Variants in PDE4D observed in about 807,000 individuals in gnomAD.
PDE4D encodes the protein phosphodiesterase 4D, also known as 3',5'-cyclic-AMP phosphodiesterase 4D.
PDE4D carries 24 observed loss-of-function variants against 87.4 expected under a neutral mutation model. The ratio of observed to expected loss-of-function variants is 0.27; its 90% CI spans 0.20 to 0.39. PDE4D has a LOEUF of 0.39. PDE4D is among the 10% of genes least tolerant of loss of function. The probability of loss-of-function intolerance (pLI) is 1.00; values close to 1 mark genes in which losing one functional copy is unlikely to be tolerated. For synonymous variants in PDE4D, 384 were observed against 383.2 expected, an observed-to-expected ratio of 1.00 and a Z score of -0.02; for missense variants, 714 against 1,041.0, an observed-to-expected ratio of 0.69 and a Z score of 4.32.
chr5:59,924,241 C>A (rs562621679), intron 3 of PDE4D, among the ~76,000 whole-genome samples: 3 of 151,930 alleles, frequency 2.0e-5, no homozygotes, highest in African/African-American at 7.3e-5. Context: ...TAGAAAATAG[C>A]CTCTGAAGGG....
chr5:59,338,158 T>C (rs1778060493), intron 1 of PDE4D, among the ~76,000 whole-genome samples: 1 of 152,238 alleles, frequency 6.6e-6, no homozygotes, highest in Non-Finnish European at 1.5e-5. Flanking sequence ...ATATCTTGCA[T>C]TCTTCTGTTA....
intron 1 of PDE4D, among the ~76,000 whole-genome samples, chr5:60,300,513 T>C (rs560779012): frequency 6.6e-6 from 1 of 152,346 alleles, no homozygotes; most frequent in African/African-American, 2.4e-5. Context: ...GATTTTCTTC[T>C]AGGGTTTTTA....
intron 1 of PDE4D, chr5:59,558,563 G>GA (rs1407254926): frequency 1.3e-5 from 2 of 152,120 alleles, no homozygotes; most frequent in African/African-American, 2.4e-5. Context: ...ACAATTTGAA[G>GA]AAAAATAACA....
intron 1 of PDE4D, among the ~76,000 whole-genome samples, chr5:59,765,532 A>G (rs892664051): frequency 6.6e-6 from 1 of 152,234 alleles, no homozygotes; most frequent in African/African-American, 2.4e-5. Context: ...AGATGTGGCC[A>G]TAGAACTGAG....
intron 2 of PDE4D, among the ~76,000 whole-genome samples, chr5:60,104,753 G>C (rs529110554): frequency 1.3e-5 from 2 of 152,256 alleles, no homozygotes; most frequent in East Asian, 1.9e-4. Flanking sequence ...AGGCAAACAG[G>C]GTCTGGAGTG....
At chr5:60,089,675 A>G (rs1041801726) in intron 2 of PDE4D, among the ~76,000 whole-genome samples, 1 of 151,924 alleles carries the variant, frequency 6.6e-6, no homozygotes, top group South Asian at 2.1e-4. Flanking sequence ...TAGTAGAAGG[A>G]AAGAAATAAT....
chr5:59,890,651 C>A (rs1003729171), intron 1 of PDE4D, among the ~76,000 whole-genome samples: 1 of 152,202 alleles, frequency 6.6e-6, no homozygotes, highest in Non-Finnish European at 1.5e-5. Flanking sequence ...AGGTTCTGCA[C>A]ACATTTATTT....
At chr5:59,576,079 A>T (rs1286070719) in intron 1 of PDE4D, among the ~76,000 whole-genome samples, 1 of 152,212 alleles carries the variant, frequency 6.6e-6, no homozygotes. Flanking sequence ...CAACCTGGTT[A>T]ACCATTCACA....
At chr5:59,866,605 T>C (rs777295564) in intron 1 of PDE4D, among the ~76,000 whole-genome samples, 1 of 152,080 alleles carries the variant, frequency 6.6e-6, no homozygotes, top group Non-Finnish European at 1.5e-5. Context: ...ACTATGATGA[T>C]GCCACTGCAC....
chr5:60,429,936 T>A (rs1744067701), intron 1 of PDE4D: 2 of 474,162 alleles, frequency 4.2e-6, no homozygotes, highest in Non-Finnish European at 8.4e-6. Flanking sequence ...TAGATTTTTT[T>A]AAAGTGGTAA....
intron 1 of PDE4D, among the ~76,000 whole-genome samples, chr5:60,290,234 A>C (rs1429352160): frequency 6.6e-6 from 1 of 152,200 alleles, no homozygotes; most frequent in Non-Finnish European, 1.5e-5. Context: ...AAAAGTAATA[A>C]GAATATAACA....
intron 3 of PDE4D, among the ~76,000 whole-genome samples, chr5:59,917,369 A>G (rs1754181444): frequency 6.6e-6 from 1 of 152,060 alleles, no homozygotes; most frequent in Admixed American, 6.6e-5. Context: ...CAGAGAGTCT[A>G]TGGATCAACA....
chr5:60,311,170 C>T (rs1755000759), intron 1 of PDE4D, among the ~76,000 whole-genome samples: 1 of 151,178 alleles, frequency 6.6e-6, no homozygotes, highest in Admixed American at 6.5e-5. Flanking sequence ...GCATGTGCCA[C>T]CACGCCTGGC....
intron 1 of PDE4D, among the ~76,000 whole-genome samples, chr5:59,504,371 C>T (rs1808853876): frequency 1.3e-5 from 2 of 152,112 alleles, no homozygotes; most frequent in Non-Finnish European, 2.9e-5. Context: ...AAACACAATT[C>T]TTACAATTTG....
chr5:59,486,425 T>C (rs1356926573), intron 1 of PDE4D, among the ~76,000 whole-genome samples: 1 of 152,200 alleles, frequency 6.6e-6, no homozygotes, highest in Non-Finnish European at 1.5e-5. Context: ...AGCAACAAAC[T>C]TTTCATCTTA....
At chr5:60,055,437 G>T (rs1016004503) in intron 2 of PDE4D, among the ~76,000 whole-genome samples, 5 of 151,964 alleles carry the variant, frequency 3.3e-5, no homozygotes, top group Non-Finnish European at 5.9e-5. Flanking sequence ...TATAAAATTT[G>T]TTTAGAACAA....
chr5:59,984,363 TAAAC>T (rs2152827594), intron 3 of PDE4D, among the ~76,000 whole-genome samples: 1 of 152,310 alleles, frequency 6.6e-6, no homozygotes, highest in South Asian at 2.1e-4. Context: ...GGAAGGTCAG[TAAAC>T]AGCCATGAAG....
intron 1 of PDE4D, among the ~76,000 whole-genome samples, chr5:60,203,765 C>T (rs1001258040): frequency 6.6e-6 from 1 of 152,068 alleles, no homozygotes; most frequent in African/African-American, 2.4e-5. Flanking sequence ...GTGCAGGTAT[C>T]CATGCCTTAA....
intron 4 of PDE4D, among the ~76,000 whole-genome samples, chr5:59,181,572 T>TATATATATATATATATATATATA (rs1561646442): frequency 9.1e-6 from 1 of 109,920 alleles, no homozygotes; most frequent in African/African-American, 4.3e-5. Context: ...ATATATATAT[T>TATATATATATATATATATATATA]AGGTATATAA....
Sources: allele counts gnomAD v4.1 joint callset (sites outside exome capture counted in the v4.1 genomes callset), GRCh38; gene constraint gnomAD v4.1.1; transcripts MANE v1.5; gene names NCBI Gene and HGNC (gene_info 2026-07-23, HGNC 2026-07-21).